Variants in ST3GAL3 observed in about 807,000 individuals in gnomAD.
ST3GAL3 encodes ST3 beta-galactoside alpha-2,3-sialyltransferase 3.
In ST3GAL3, 21 loss-of-function variants were observed where a neutral mutation model predicts 50.1. The ratio of observed to expected loss-of-function variants is 0.42; its 90% CI spans 0.30 to 0.60. The LOEUF is 0.60. Among genes scored for constraint, ST3GAL3 ranks in the 20% least tolerant of loss-of-function variants. The pLI, the probability that ST3GAL3 is intolerant of heterozygous loss-of-function variation, is 0.19. For synonymous variants in ST3GAL3, 183 were observed against 190.0 expected (o/e 0.96, Z 0.30); for missense variants, 353 against 489.4 (o/e 0.72, Z 2.63).
chr1:43,882,057 A>T (rs556504323), intron 5 of ST3GAL3, among the ~76,000 whole-genome samples: 10 of 152,230 alleles, frequency 6.6e-5, no homozygotes, highest in African/African-American at 2.4e-4. Context: ...CCTGCGGGGG[A>T]ACTGGGCAAT....
intron 11 of ST3GAL3, among the ~76,000 whole-genome samples, chr1:43,924,872 G>A (rs1169245179): frequency 4.6e-5 from 7 of 152,218 alleles, no homozygotes; most frequent in Non-Finnish European, 8.8e-5. Context: ...AGCCCTCTCT[G>A]ATGGAGTCTT....
intron 4 of ST3GAL3, among the ~76,000 whole-genome samples, chr1:43,827,474 T>G (rs896368492): frequency 2.0e-5 from 3 of 152,132 alleles, no homozygotes; most frequent in African/African-American, 7.2e-5. Flanking sequence ...AAATGGATAT[T>G]CCACATTTTG....
chr1:43,792,022 G>A, intron 2 of ST3GAL3, 80 bp from the exon 3 acceptor site: 2 of 1,538,480 alleles, frequency 1.3e-6, no homozygotes, highest in Non-Finnish European at 1.8e-6. Flanking sequence ...CTTTGAGGGA[G>A]GGTTTGGGCA....
At chr1:43,790,706 A>C (rs2057958731) in intron 2 of ST3GAL3, among the ~76,000 whole-genome samples, 1 of 146,852 alleles carries the variant, frequency 6.8e-6, no homozygotes, top group African/African-American at 2.5e-5. Context: ...ATGTCGGCTC[A>C]CTGCAACCTC....
chr1:43,813,123 T>C (rs917081156), intron 3 of ST3GAL3, among the ~76,000 whole-genome samples: 1 of 152,160 alleles, frequency 6.6e-6, no homozygotes, highest in Non-Finnish European at 1.5e-5. Context: ...CCCCTGACAT[T>C]TGAGTTTGCA....
At chr1:43,817,965 G>GCT (rs2061625357) in intron 4 of ST3GAL3, among the ~76,000 whole-genome samples, 1 of 151,542 alleles carries the variant, frequency 6.6e-6, no homozygotes, top group South Asian at 2.1e-4. Flanking sequence ...GAACTCCTGG[G>GCT]CTCAAGTGAT....
intron 11 of ST3GAL3, among the ~76,000 whole-genome samples, chr1:43,926,250 GA>G (rs2083895723): frequency 6.6e-6 from 1 of 152,188 alleles, no homozygotes; most frequent in African/African-American, 2.4e-5. Flanking sequence ...ATCCTGGCAG[GA>G]CCCTTGAACG....
intron 2 of ST3GAL3, among the ~76,000 whole-genome samples, chr1:43,759,025 C>A: frequency 6.7e-6 from 1 of 149,622 alleles, no homozygotes; most frequent in Non-Finnish European, 1.5e-5. Flanking sequence ...GCGTGGGCAA[C>A]AGAGCGAGAC....
intron 5 of ST3GAL3, among the ~76,000 whole-genome samples, chr1:43,888,073 A>G (rs1369961487): frequency 1.3e-5 from 2 of 152,176 alleles, no homozygotes; most frequent in African/African-American, 4.8e-5. Flanking sequence ...ACAAGCATGC[A>G]AATCTCCAAA....
intron 2 of ST3GAL3, among the ~76,000 whole-genome samples, chr1:43,770,276 A>G (rs1232426919): frequency 3.1e-5 from 4 of 129,758 alleles, no homozygotes; most frequent in South Asian, 2.8e-4. Flanking sequence ...GGAGGGGAGG[A>G]GAGGGGAATG....
intron 3 of ST3GAL3, among the ~76,000 whole-genome samples, chr1:43,805,491 A>G (rs942836773): frequency 1.2e-4 from 19 of 152,234 alleles, no homozygotes; most frequent in African/African-American, 4.6e-4. Context: ...GAGCACAGAT[A>G]AGGTGCATTT....
At chr1:43,820,242 A>C (rs541691650) in intron 4 of ST3GAL3, among the ~76,000 whole-genome samples, 2 of 152,338 alleles carry the variant, frequency 1.3e-5, no homozygotes, top group South Asian at 4.1e-4. Flanking sequence ...TGTTGGGATA[A>C]CTGGCTAACC....
chr1:43,717,586 C>T (rs1668020713), intron 1 of ST3GAL3, among the ~76,000 whole-genome samples: 1 of 151,360 alleles, frequency 6.6e-6, no homozygotes, highest in South Asian at 2.1e-4. Context: ...CAGCCTTGAC[C>T]TCCTGGGCTC....
At position 43,865,499 on chromosome 1, in the gene ST3GAL3, A is replaced by G. The variant is rs1440225476; in HGVS notation, c.302+27188A>G. ...CCCCTTCCTCTATTATTAATTTTAT[A>G]AGCATTTCCATATATTTGGCACCAT... On this transcript the variant is annotated intron_variant, in intron 5 of 11. Transcript: ENST00000347631. Among the ~76,000 whole-genome samples, 5 of 152,188 alleles carry G rather than the reference A, an allele frequency of 3.3e-5. No individual in the cohort carries two copies. The East Asian group carries it at 9.6e-4, about 29-fold the overall frequency.
intron 1 of ST3GAL3, among the ~76,000 whole-genome samples, chr1:43,714,914 C>T (rs914858499): frequency 2.1e-4 from 32 of 152,152 alleles, no homozygotes; most frequent in Non-Finnish European, 4.4e-5. Context: ...TCTCTCAACT[C>T]CTGTAGAACT....
chr1:43,758,759 G>T (rs970586834), intron 2 of ST3GAL3, among the ~76,000 whole-genome samples: 1 of 152,054 alleles, frequency 6.6e-6, no homozygotes, highest in African/African-American at 2.4e-5. Context: ...AGGCATGATA[G>T]TTCACACCTA....
At chr1:43,813,742 A>G (rs2060843907) in intron 3 of ST3GAL3, among the ~76,000 whole-genome samples, 1 of 152,136 alleles carries the variant, frequency 6.6e-6, no homozygotes, top group Admixed American at 6.5e-5. Flanking sequence ...GAGTTCCTCG[A>G]AAGCTTTGCT....
intron 5 of ST3GAL3, among the ~76,000 whole-genome samples, chr1:43,856,258 G>A (rs180978170): frequency 2.2e-4 from 33 of 152,228 alleles, no homozygotes; most frequent in Non-Finnish European, 4.1e-4. Context: ...ACACACAATC[G>A]TTACACATAA....
chr1:43,920,767 G>T lies in ST3GAL3; in HGVS notation c.892-15G>T. 2 of 1,614,142 alleles carry T rather than the reference G, an allele frequency of 1.2e-6. No homozygotes were observed. The highest frequency in any genetic ancestry group is 1.7e-6 in the Non-Finnish European group (2 of 1,180,018). On this transcript the variant is annotated splice_polypyrimidine_tract_variant and intron_variant, in intron 10 of 11. Coordinates refer to ENST00000347631, the MANE Select transcript of ST3GAL3 (RefSeq NM_006279.5). ...ACTCTGCATGCCTTCTCTCACCCCTGCCCCCGTCTTCTAGAACATCCCTAC... is the reference window on the plus strand; with the variant it reads ...ACTCTGCATGCCTTCTCTCACCCCTTCCCCCGTCTTCTAGAACATCCCTAC...
Sources: allele counts gnomAD v4.1 joint callset (sites outside exome capture counted in the v4.1 genomes callset), GRCh38; gene constraint gnomAD v4.1.1; transcripts MANE v1.5; gene names NCBI Gene and HGNC (gene_info 2026-07-23, HGNC 2026-07-21).